Variants in ADAMTSL1 observed in about 807,000 individuals in gnomAD.
ADAMTSL1 encodes ADAMTS-like protein 1.
In ADAMTSL1, 126 loss-of-function variants were observed where a neutral mutation model predicts 201.8. The observed-to-expected ratio is 0.62, with a 90% CI of 0.54 to 0.72. ADAMTSL1 has a LOEUF of 0.72. Ranked by LOEUF, ADAMTSL1 falls within the 30% of genes least tolerant of loss-of-function variation. The probability of loss-of-function intolerance (pLI) is 0.00; values close to 1 mark genes in which losing one functional copy is unlikely to be tolerated. For missense variants in ADAMTSL1, 2,679 were observed against 2,277.8 expected (o/e 1.18, Z -3.59); for synonymous variants, 1,121 against 903.4 (o/e 1.24, Z -4.32).
At chr9:18,157,042 A>G (rs866231554) in intron 1 of ADAMTSL1, among the ~76,000 whole-genome samples, 1 of 152,136 alleles carries the variant, frequency 6.6e-6, no homozygotes, top group South Asian at 2.1e-4. Context: ...TCTACCCTAC[A>G]TCTAGGAAGG....
intron 2 of ADAMTSL1, among the ~76,000 whole-genome samples, chr9:18,219,094 T>TA (rs1379417487): frequency 6.6e-6 from 1 of 151,820 alleles, no homozygotes; most frequent in Non-Finnish European, 1.5e-5. Flanking sequence ...TCTATTGACT[T>TA]ATACTGGTGC....
Position 18,279,536 on chromosome 9 carries a change from C to G in ADAMTSL1, c.207+115555C>G, listed in dbSNP as rs149471563. On this transcript the variant is annotated intron_variant, in intron 2 of 29. Coordinates refer to the ADAMTSL1 transcript ENST00000680146. Reference sequence around the variant, plus strand: ...TGAAAAAGCAGGCACTTCTTCTATTCTTTTCAGACTGGATTTGTCAGGGAA... The same window carrying G: ...TGAAAAAGCAGGCACTTCTTCTATTGTTTTCAGACTGGATTTGTCAGGGAA... 1.9e-3 allele frequency among the ~76,000 whole-genome samples: 282 copies of G among 151,620 alleles called. 1 individual carries two copies. The highest frequency in any genetic ancestry group is 6.6e-3 in the African/African-American group (273 of 41,304).
chr9:18,244,110 TAC>T (rs1324994661), intron 2 of ADAMTSL1, among the ~76,000 whole-genome samples: 18 of 105,638 alleles, frequency 1.7e-4, no homozygotes, highest in Non-Finnish European at 2.4e-4. Flanking sequence ...TGTGTGTGTG[TAC>T]GTGTGTGTGT....
intron 2 of ADAMTSL1, among the ~76,000 whole-genome samples, chr9:18,331,670 A>C (rs1478698536): frequency 6.6e-6 from 1 of 152,166 alleles, no homozygotes; most frequent in Non-Finnish European, 1.5e-5. Context: ...ACAATTTGCC[A>C]CAAGACCCCA....
rs76778655 is a variant in ADAMTSL1 at position 18,866,116 on chromosome 9, C to CAAAAAAAAAAAAAAAAAAAAAAAAAAAAA, written c.4250-21701_4250-21700insAAAAAAAAAAAAAAAAAAAAAAAAAAAAA. Among the ~76,000 whole-genome samples the CAAAAAAAAAAAAAAAAAAAAAAAAAAAAA allele has an allele frequency of 2.2e-3, 172 of 78,502 alleles. 39 individuals carry two copies. The highest frequency in any genetic ancestry group is 9.1e-3 in the African/African-American group (123 of 13,568). 51.5% of individuals were successfully genotyped at this position (78,502 alleles called of 152,430 possible). A position where few individuals can be genotyped will look rare whatever the true frequency, so the allele number is the denominator to read the frequency against. On this transcript the variant is annotated intron_variant, in intron 23 of 28. Coordinates refer to ENST00000380548, the MANE Select transcript of ADAMTSL1 (RefSeq NM_001040272.6). ...AGAGAGATTGCTTGCCTTCAAAAAC[C>CAAAAAAAAAAAAAAAAAAAAAAAAAAAAA]AAAAAAAAAAAAAATGACGGATACT...
Position 18,892,383 on chromosome 9 carries a change from C to T in ADAMTSL1, c.4644-6C>T, listed in dbSNP as rs1398343848. The T allele has an allele frequency of 1.1e-5, 17 of 1,610,218 alleles. No individual in the cohort carries two copies. Among genetic ancestry groups the T allele is most frequent in the Non-Finnish European group, 1.4e-5 (17 of 1,178,636 alleles). ...GGGCTCTCCTGACACTTCTTCCTCT[C>T]CCCAGGTGGATGGTGACCTCCTGGT... On this transcript the variant is annotated splice_region_variant and splice_polypyrimidine_tract_variant and intron_variant, in intron 25 of 28. Coordinates refer to ENST00000380548, the MANE Select transcript of ADAMTSL1 (RefSeq NM_001040272.6).
At chr9:18,320,752 C>G (rs1834586001) in intron 2 of ADAMTSL1, among the ~76,000 whole-genome samples, 1 of 152,032 alleles carries the variant, frequency 6.6e-6, no homozygotes, top group East Asian at 1.9e-4. Context: ...CAAAGTACCT[C>G]TATTTCCTGT....
At chr9:18,894,208 G>A (rs1829469114) in intron 26 of ADAMTSL1, among the ~76,000 whole-genome samples, 1 of 152,260 alleles carries the variant, frequency 6.6e-6, no homozygotes, top group Non-Finnish European at 1.5e-5. Context: ...TGTCTGGCCA[G>A]GCACAACGGC....
chr9:18,073,142 C>G (rs1586986289), intron 1 of ADAMTSL1, among the ~76,000 whole-genome samples: 1 of 152,156 alleles, frequency 6.6e-6, no homozygotes, highest in African/African-American at 2.4e-5. Flanking sequence ...CACGTGTTTT[C>G]TCTTCATGCT....
At chr9:18,871,885 A>G (rs1258125174) in intron 23 of ADAMTSL1, among the ~76,000 whole-genome samples, 1 of 152,190 alleles carries the variant, frequency 6.6e-6, no homozygotes, top group East Asian at 1.9e-4. Flanking sequence ...CAACCTAGAT[A>G]ATACCACTTC....
chr9:17,964,434 A>G (rs1225541534), intron 1 of ADAMTSL1, among the ~76,000 whole-genome samples: 1 of 152,162 alleles, frequency 6.6e-6, no homozygotes, highest in Non-Finnish European at 1.5e-5. Flanking sequence ...AATTAGTGGT[A>G]GCCAGGGGTT....
chr9:18,099,672 C>G (rs1824432476), intron 1 of ADAMTSL1, among the ~76,000 whole-genome samples: 1 of 137,792 alleles, frequency 7.3e-6, no homozygotes, highest in Non-Finnish European at 1.5e-5. Flanking sequence ...GAGTCTCGCT[C>G]TGTTGCCCAG....
intron 1 of ADAMTSL1, among the ~76,000 whole-genome samples, chr9:18,067,690 G>A (rs953221560): frequency 6.6e-6 from 1 of 152,204 alleles, no homozygotes; most frequent in African/African-American, 2.4e-5. Flanking sequence ...GCAGCACTAA[G>A]CTTTACAACA....
intron 2 of ADAMTSL1, among the ~76,000 whole-genome samples, chr9:18,277,037 T>C (rs1422992073): frequency 6.6e-6 from 1 of 152,234 alleles, no homozygotes; most frequent in Non-Finnish European, 1.5e-5. Context: ...TTGATTTCAA[T>C]GTATTTGTGA....
intron 26 of ADAMTSL1, among the ~76,000 whole-genome samples, chr9:18,894,564 A>G (rs1829499298): frequency 6.6e-6 from 1 of 152,080 alleles, no homozygotes; most frequent in African/African-American, 2.4e-5. Flanking sequence ...GAGAGAAAGG[A>G]AGGAAGTCAA....
chr9:18,084,081 C>A (rs1823635646), intron 1 of ADAMTSL1, among the ~76,000 whole-genome samples: 1 of 152,210 alleles, frequency 6.6e-6, no homozygotes, highest in Admixed American at 6.5e-5. Context: ...CCATTGTAGA[C>A]AAGTTTCCCT....
intron 2 of ADAMTSL1, among the ~76,000 whole-genome samples, chr9:18,303,701 G>C (rs1394097522): frequency 1.3e-5 from 2 of 152,214 alleles, no homozygotes; most frequent in Non-Finnish European, 2.9e-5. Context: ...TGAAATAGTG[G>C]ACCTTGCTGA....
chr9:18,457,451 C>G (rs1393152388), intron 2 of ADAMTSL1, among the ~76,000 whole-genome samples: 1 of 152,168 alleles, frequency 6.6e-6, no homozygotes, highest in Non-Finnish European at 1.5e-5. Context: ...CCCACCTCAG[C>G]CTTCTGAGTG....
intron 15 of ADAMTSL1, among the ~76,000 whole-genome samples, chr9:18,738,205 G>C (rs562097753): frequency 5.9e-5 from 9 of 152,134 alleles, no homozygotes; most frequent in African/African-American, 1.9e-4. Flanking sequence ...GATAAGAAAG[G>C]ATTTTCTTAC....
Sources: gnomAD v4.1 joint callset for allele counts (sites outside exome capture counted in the v4.1 genomes callset) on GRCh38, gnomAD v4.1.1 for gene constraint, MANE v1.5 for transcripts, NCBI Gene and HGNC (gene_info 2026-07-23, HGNC 2026-07-21) for gene names.